Variants in TRPM3 observed in about 807,000 individuals in gnomAD.
TRPM3 encodes long transient receptor potential channel 3.
Under a neutral mutation model 181.2 loss-of-function variants are expected in TRPM3, and 77 were observed. The observed-to-expected ratio is 0.42, with a 90% CI of 0.35 to 0.51. TRPM3 has a LOEUF of 0.51. Among genes scored for constraint, TRPM3 ranks in the 20% least tolerant of loss-of-function variants. The pLI is 0.01. For missense variants in TRPM3, 1,759 were observed against 2,196.7 expected, an observed-to-expected ratio of 0.80 and a Z score of 3.98; for synonymous variants, 745 against 796.4, an observed-to-expected ratio of 0.94 and a Z score of 1.09.
intron 1 of TRPM3, among the ~76,000 whole-genome samples, chr9:71,417,143 G>A (rs907181319): frequency 1.3e-5 from 2 of 151,932 alleles, no homozygotes; most frequent in Non-Finnish European, 2.9e-5. Context: ...GACAGTCCGT[G>A]TGGTCATATA....
At chr9:71,031,967 ATATATTATAT>A (rs1565021042) in intron 1 of TRPM3, among the ~76,000 whole-genome samples, 1 of 62,162 alleles carries the variant, frequency 1.6e-5, no homozygotes, top group African/African-American at 4.8e-5. Flanking sequence ...AATTATATAT[ATATATTATAT>A]ATATATATAT....
chr9:70,699,770 G>C (rs746408430), intron 8 of TRPM3, among the ~76,000 whole-genome samples: 1 of 152,152 alleles, frequency 6.6e-6, no homozygotes, highest in Non-Finnish European at 1.5e-5. Context: ...CCAGCTTCAG[G>C]GAAGCTGCAC....
intron 1 of TRPM3, among the ~76,000 whole-genome samples, chr9:71,283,177 T>C (rs2084986671): frequency 6.6e-6 from 1 of 152,238 alleles, no homozygotes; most frequent in African/African-American, 2.4e-5. Context: ...ATAACTCTAT[T>C]ACTGATACTT....
At chr9:71,053,287 C>G (rs1190385815) in intron 1 of TRPM3, among the ~76,000 whole-genome samples, 1 of 152,050 alleles carries the variant, frequency 6.6e-6, no homozygotes, top group Non-Finnish European at 1.5e-5. Context: ...CTAACTCACC[C>G]TGCCTCAGTA....
At chr9:71,220,881 C>G (rs762840416) in intron 1 of TRPM3, among the ~76,000 whole-genome samples, 5 of 152,162 alleles carry the variant, frequency 3.3e-5, no homozygotes, top group African/African-American at 4.8e-5. Flanking sequence ...TCCCACAGCA[C>G]TCACTTTGCT....
rs963863529 is a variant in TRPM3, at chr9:71,030,579, A to G, written c.177+90599T>C. ...GAAGTGAGACCCCGTTCCAAAAAAA[A>G]AAAAAGATTGCAAAAATAACACCCA... On this transcript the variant is annotated intron_variant, in intron 1 of 25. Coordinates refer to ENST00000677713, the MANE Select transcript of TRPM3 (RefSeq NM_001366145.2). 1.3e-4 allele frequency among the ~76,000 whole-genome samples: 20 copies of G among 152,188 alleles called. 1 individual carries two copies. Among genetic ancestry groups the G allele is most frequent in the African/African-American group, 3.4e-4 (14 of 41,528 alleles).
chr9:71,071,569 G>T (rs941548585), intron 1 of TRPM3, among the ~76,000 whole-genome samples: 2 of 152,190 alleles, frequency 1.3e-5, no homozygotes, highest in African/African-American at 4.8e-5. Flanking sequence ...ACAGGGAATT[G>T]TAATCCACAT....
intron 22 of TRPM3, among the ~76,000 whole-genome samples, chr9:70,560,563 G>A (rs2048807870): frequency 6.6e-6 from 1 of 152,212 alleles, no homozygotes; most frequent in Admixed American, 6.5e-5. Flanking sequence ...TAGGGTCCCT[G>A]TCAGGTAGCT....
At chr9:71,094,864 C>T (rs1172789039) in intron 1 of TRPM3, among the ~76,000 whole-genome samples, 1 of 152,112 alleles carries the variant, frequency 6.6e-6, no homozygotes, top group African/African-American at 2.4e-5. Context: ...TCACAGAATA[C>T]ACACACTCGA....
intron 9 of TRPM3, among the ~76,000 whole-genome samples, chr9:70,647,787 G>A (rs2059091939): frequency 6.6e-6 from 1 of 152,202 alleles, no homozygotes; most frequent in Non-Finnish European, 1.5e-5. Context: ...TCTATACATA[G>A]AAAATCCCAT....
chr9:70,615,804 G>T (rs896215227), intron 18 of TRPM3, 104 bp downstream of exon 18: 3 of 1,198,022 alleles, frequency 2.5e-6, no homozygotes, highest in South Asian at 1.6e-5. Context: ...GGAAGGCTGG[G>T]AACAGATGTC....
intron 18 of TRPM3, 31 bp downstream of exon 18, chr9:70,615,877 C>A: frequency 6.4e-7 from 1 of 1,574,612 alleles, no homozygotes; most frequent in Non-Finnish European, 8.6e-7. Flanking sequence ...GAATTCTGCC[C>A]ATAGAGAATA....
At chr9:71,261,004 T>C (rs2083014529) in intron 1 of TRPM3, among the ~76,000 whole-genome samples, 1 of 152,124 alleles carries the variant, frequency 6.6e-6, no homozygotes, top group Non-Finnish European at 1.5e-5. Flanking sequence ...TCTTGAGGAG[T>C]ATCTTTGTGG....
At chr9:71,419,626 A>C (rs2093695192) in intron 1 of TRPM3, among the ~76,000 whole-genome samples, 2 of 152,000 alleles carry the variant, frequency 1.3e-5, no homozygotes, top group African/African-American at 4.8e-5. Flanking sequence ...AAAGATACAT[A>C]TCACAATCCA....
chr9:70,610,636 T>C lies in TRPM3; in HGVS notation c.2640A>G (p.Ala880=), dbSNP rs1206975569. The C allele has an allele frequency of 2.5e-6, 4 of 1,613,978 alleles. No homozygotes were observed. Among genetic ancestry groups the C allele is most frequent in the Admixed American group, 3.3e-5 (2 of 60,002 alleles). The change falls in exon 19 of 26, where the codon GCA becomes GCG. Residue 880 remains alanine (A), a synonymous_variant. Coordinates refer to ENST00000677713, the MANE Select transcript of TRPM3 (RefSeq NM_001366145.2). The part of the protein sequence containing the change: ...LGRKIYEFYN[A]PIVKFWFYTL... ...TGTAGAACCAGAACTTCACGATGGG[T>C]GCATTGTAGAATTCATAGATTTTTC...
intron 9 of TRPM3, among the ~76,000 whole-genome samples, chr9:70,680,941 T>C (rs551824384): frequency 1.3e-5 from 2 of 152,290 alleles, no homozygotes; most frequent in African/African-American, 4.8e-5. Context: ...ATACCCACTT[T>C]CAAAACAAGT....
chr9:70,840,295 A>T (rs1391932419), intron 5 of TRPM3, among the ~76,000 whole-genome samples: 2 of 152,148 alleles, frequency 1.3e-5, no homozygotes, highest in African/African-American at 4.8e-5. Flanking sequence ...AGTGGTCAAA[A>T]TTCAATAGAT....
At chr9:70,778,140 C>T (rs2081792226) in intron 7 of TRPM3, among the ~76,000 whole-genome samples, 1 of 152,056 alleles carries the variant, frequency 6.6e-6, no homozygotes, top group Admixed American at 6.6e-5. Flanking sequence ...TCTCAGTCAT[C>T]CAGGCTGACC....
At chr9:71,073,425 C>T (rs910440793) in intron 1 of TRPM3, among the ~76,000 whole-genome samples, 1 of 152,126 alleles carries the variant, frequency 6.6e-6, no homozygotes, top group African/African-American at 2.4e-5. Context: ...ATATTGTATC[C>T]TTCTTAGCCC....
Sources: allele counts gnomAD v4.1 joint callset (sites outside exome capture counted in the v4.1 genomes callset), GRCh38; gene constraint gnomAD v4.1.1; transcripts MANE v1.5; gene names NCBI Gene and HGNC (gene_info 2026-07-23, HGNC 2026-07-21).